MLYCD: variants seen among roughly 807,000 people sequenced by gnomAD.
The protein encoded by MLYCD is malonyl-CoA decarboxylase, mitochondrial.
In MLYCD, 27 loss-of-function variants were observed where a neutral mutation model predicts 35.8. The observed-to-expected ratio is 0.75, with a 90% CI of 0.56 to 1.04. The LOEUF (loss-of-function observed/expected upper bound fraction) is 1.04. Ranked by LOEUF, MLYCD falls within the 50% of genes least tolerant of loss-of-function variation. The pLI is 0.00. For missense variants in MLYCD, 917 were observed against 665.1 expected (o/e 1.38, Z -4.17); for synonymous variants, 403 against 302.4 (o/e 1.33, Z -3.45).
intron 3 of MLYCD, among the ~76,000 whole-genome samples, chr16:83,910,092 C>T (rs1907121320): frequency 6.6e-6 from 1 of 151,966 alleles, no homozygotes; most frequent in East Asian, 1.9e-4. Context: ...GTCCTGTGTG[C>T]ATTTGTGTGC....
chr16:83,903,947 G>A (rs1464261027), intron 1 of MLYCD, among the ~76,000 whole-genome samples: 9 of 152,140 alleles, frequency 5.9e-5, no homozygotes, highest in Non-Finnish European at 1.3e-4. Context: ...TCCTGGCAAC[G>A]TTGCCGCGTG....
intron 1 of MLYCD, among the ~76,000 whole-genome samples, chr16:83,902,155 G>GTGTA (rs1555537769): frequency 0.072 from 6,277 of 86,592 alleles, 159 homozygotes; most frequent in Non-Finnish European, 0.094. Context: ...GTGTGCGTGC[G>GTGTA]TATATATATA....
At chr16:83,912,193 T>G (rs1907203335) in intron 3 of MLYCD, 25 bp from the exon 4 acceptor site, 1 of 1,613,930 alleles carries the variant, frequency 6.2e-7, no homozygotes, top group Admixed American at 1.7e-5. Flanking sequence ...AGGCCACCCT[T>G]AGAACCATCG....
In MLYCD at chr16:83,899,271, C is replaced by G. The variant is rs1567630269; in HGVS notation, c.127C>G (p.Leu43Val). ...CGCCCTGGAGCGGGCCATGGACGAG[C>G]TGCTGCGCCGCGCGGTGCCGCCGAC... ...AGALERAMDE[L>V]LRRAVPPTPA... is the part of the protein sequence containing the mutation. The change falls in exon 1 of 5, where the codon CTG becomes GTG. Residue 43 changes from leucine (L) to valine (V), a missense_variant. Transcript: ENST00000262430. 2 of 1,462,060 alleles carry G rather than the reference C, an allele frequency of 1.4e-6. No homozygotes were observed. The highest frequency in any genetic ancestry group is 9.0e-7 in the Non-Finnish European group (1 of 1,112,008). 90.6% of individuals were successfully genotyped at this position (1,462,060 alleles called of 1,614,324 possible).
chr16:83,908,680 A>T (rs1347725265), intron 3 of MLYCD, among the ~76,000 whole-genome samples: 2 of 152,180 alleles, frequency 1.3e-5, no homozygotes. Context: ...AGAAAATTGA[A>T]AGAGGCACTC....
At chr16:83,905,540 G>C (rs12598430) in intron 1 of MLYCD, among the ~76,000 whole-genome samples, 33,394 of 152,066 alleles carry the variant, frequency 0.22, 4,372 homozygotes, top group African/African-American at 0.37. Flanking sequence ...TTGCTCTGCC[G>C]AGAAAAACCT....
Position 83,915,781 on chromosome 16 carries a change from G to C in MLYCD, c.*292G>C. 7.6e-7 allele frequency: 1 copy of C among 1,312,790 alleles called. No individual in the cohort carries two copies. Among genetic ancestry groups the C allele is most frequent in the South Asian group, 1.5e-5 (1 of 64,770 alleles). 81.3% of individuals were successfully genotyped at this position (1,312,790 alleles called of 1,614,324 possible). ...TGGCCTGGCTCCCTGCCCGGGGCTG[G>C]TGCTGTGGTACCTACATCTTCAGGA... On this transcript the variant is annotated 3_prime_UTR_variant, in exon 5 of 5. Coordinates refer to ENST00000262430, the MANE Select transcript of MLYCD (RefSeq NM_012213.3).
rs1440660873 is a variant in MLYCD, at chr16:83,921,397, G to C, written c.*5908G>C. ...TGGATGGATGGATAGATGGATGGAG[G>C]AGGGTGGATGGAAGGAAGGAGGATG... On this transcript the variant is annotated 3_prime_UTR_variant, in exon 5 of 5. Transcript: ENST00000262430. The C allele has an allele frequency of 7.0e-6, 1 of 143,194 alleles. No individual in the cohort carries two copies. The highest frequency in any genetic ancestry group is 2.6e-5 in the African/African-American group (1 of 38,418). 8.9% of individuals were successfully genotyped at this position (143,194 alleles called of 1,614,324 possible). A position where few individuals can be genotyped will look rare whatever the true frequency, so the allele number is the denominator to read the frequency against.
In MLYCD at chr16:83,918,217, T is replaced by A. The variant is rs569451326; in HGVS notation, c.*2728T>A. ...TTCTTAACCTTTTGTGAGTTACAGA[T>A]CACTGAAATTCTGGTGAAAGCCAGG... On this transcript the variant is annotated 3_prime_UTR_variant, in exon 5 of 5. Transcript: ENST00000262430. The A allele has an allele frequency of 6.6e-5, 10 of 152,354 alleles. No homozygotes were observed. In the South Asian group the frequency reaches 2.1e-3, roughly 32 times the overall value. 9.4% of individuals were successfully genotyped at this position (152,354 alleles called of 1,614,324 possible).
At position 83,916,205 on chromosome 16, in the gene MLYCD, C is replaced by G; in HGVS notation, c.*716C>G. The G allele has an allele frequency of 8.1e-6, 8 of 987,578 alleles. No individual in the cohort carries two copies. Among genetic ancestry groups the G allele is most frequent in the Non-Finnish European group, 9.6e-6 (8 of 830,266 alleles). 61.2% of individuals were successfully genotyped at this position (987,578 alleles called of 1,614,324 possible). On this transcript the variant is annotated 3_prime_UTR_variant, in exon 5 of 5. Transcript: ENST00000262430. ...GAACATCTGATTGTGTAGTGGTGGT[C>G]GTCTTTAAGATTAGAGACCTGGGAA...
At chr16:83,904,422 G>A (rs974541501) in intron 1 of MLYCD, among the ~76,000 whole-genome samples, 1 of 152,152 alleles carries the variant, frequency 6.6e-6, no homozygotes, top group Non-Finnish European at 1.5e-5. Flanking sequence ...ATCCCAGGAA[G>A]ATTAAGAATT....
chr16:83,926,420 G>T lies in MLYCD; in HGVS notation c.*10931G>T, dbSNP rs1907809441. On this transcript the variant is annotated 3_prime_UTR_variant, in exon 5 of 5. Coordinates refer to ENST00000262430, the MANE Select transcript of MLYCD (RefSeq NM_012213.3). Reference sequence around the variant, plus strand: ...AGGGGCTGGCCGAGGGGACGGGCTTGGGCGCTTCCATTCTCACACTGCTGC... The same window carrying T: ...AGGGGCTGGCCGAGGGGACGGGCTTTGGCGCTTCCATTCTCACACTGCTGC... 6.6e-6 allele frequency: 1 copy of T among 152,352 alleles called. No homozygotes were observed. The highest frequency in any genetic ancestry group is 1.5e-5 in the Non-Finnish European group (1 of 68,148). 9.4% of individuals were successfully genotyped at this position (152,352 alleles called of 1,614,324 possible). A position where few individuals can be genotyped will look rare whatever the true frequency, so the allele number is the denominator to read the frequency against.
rs774997480 is a variant in MLYCD at position 83,912,464 on chromosome 16, A to C, written c.948+97A>C. ...TCAGGTGCCATGAGGGACACAGATG[A>C]AGACAGGAGCTAAAGGGAGGGGCAG... On this transcript the variant is annotated intron_variant, in intron 4 of 4. Coordinates refer to ENST00000262430, the MANE Select transcript of MLYCD (RefSeq NM_012213.3). 2.6e-6 allele frequency: 4 copies of C among 1,532,796 alleles called. No homozygotes were observed. In the Admixed American group the frequency reaches 7.1e-5, roughly 27 times the overall value. 94.9% of individuals were successfully genotyped at this position (1,532,796 alleles called of 1,614,324 possible).
At chr16:83,908,822 C>G (rs535097133) in intron 3 of MLYCD, among the ~76,000 whole-genome samples, 1 of 152,320 alleles carries the variant, frequency 6.6e-6, no homozygotes, top group African/African-American at 2.4e-5. Flanking sequence ...CTGAAACACT[C>G]CTGCAGGCCC....
intron 1 of MLYCD, 152 bp downstream of exon 1, chr16:83,899,824 C>T (rs1906719240): frequency 2.0e-6 from 2 of 1,006,786 alleles, no homozygotes; most frequent in Non-Finnish European, 2.8e-6. Flanking sequence ...ACTGTGTCCC[C>T]TTCCCACGCT....
chr16:83,901,108 A>G (rs543287796), intron 1 of MLYCD, among the ~76,000 whole-genome samples: 3 of 152,322 alleles, frequency 2.0e-5, no homozygotes, highest in African/African-American at 7.2e-5. Flanking sequence ...TACAGCGCTA[A>G]GTGTTACTGA....
chr16:83,906,659 A>T (rs888834484), intron 1 of MLYCD, among the ~76,000 whole-genome samples: 2 of 152,172 alleles, frequency 1.3e-5, no homozygotes, highest in Non-Finnish European at 2.9e-5. Flanking sequence ...TGTTGATTTT[A>T]TATGATTAGT....
chr16:83,916,255 C>T lies in MLYCD; in HGVS notation c.*766C>T, dbSNP rs1416122401. Reference sequence around the variant, plus strand: ...AGGCTGGAATCAGCCAGCCAGCCTACGGGGAGTTTGGGATGAAGGAGCCTG... The same window carrying T: ...AGGCTGGAATCAGCCAGCCAGCCTATGGGGAGTTTGGGATGAAGGAGCCTG... On this transcript the variant is annotated 3_prime_UTR_variant, in exon 5 of 5. Transcript: ENST00000262430. The T allele has an allele frequency of 8.7e-5, 85 of 972,666 alleles. No homozygotes were observed. Among genetic ancestry groups the T allele is most frequent in the Non-Finnish European group, 1.0e-4 (82 of 816,734 alleles). 60.3% of individuals were successfully genotyped at this position (972,666 alleles called of 1,614,324 possible).
At chr16:83,904,175 A>G (rs1355716959) in intron 1 of MLYCD, among the ~76,000 whole-genome samples, 1 of 151,684 alleles carries the variant, frequency 6.6e-6, no homozygotes, top group Non-Finnish European at 1.5e-5. Flanking sequence ...AAAACTAGGT[A>G]TTTCCAGCTT....
Sources: allele counts gnomAD v4.1 joint callset (sites outside exome capture counted in the v4.1 genomes callset), GRCh38; gene constraint gnomAD v4.1.1; transcripts MANE v1.5; gene names NCBI Gene and HGNC (gene_info 2026-07-23, HGNC 2026-07-21).